OPTN: variants seen among roughly 807,000 people sequenced by gnomAD.
OPTN encodes the protein E3-14.7K-interacting protein.
In OPTN, 54 loss-of-function variants were observed where a neutral mutation model predicts 70.4. The ratio of observed to expected loss-of-function variants is 0.77; its 90% confidence interval spans 0.62 to 0.96. The LOEUF (loss-of-function observed/expected upper bound fraction) is 0.96. Among genes scored for constraint, OPTN ranks in the 40% least tolerant of loss-of-function variants. The probability of loss-of-function intolerance (pLI) is 0.00; values close to 1 mark genes in which losing one functional copy is unlikely to be tolerated. For synonymous variants in OPTN, 256 were observed against 248.5 expected (o/e 1.03, Z -0.28); for missense variants, 624 against 673.2 (o/e 0.93, Z 0.81).
intron 4 of OPTN, among the ~76,000 whole-genome samples, chr10:13,111,135 C>T (rs1832986425): frequency 6.6e-6 from 1 of 152,106 alleles, no homozygotes; most frequent in African/African-American, 2.4e-5. Flanking sequence ...CTGTCCATGC[C>T]AAGTGTGGGG....
Position 13,127,853 on chromosome 10 carries a change from A to G in OPTN, c.1351A>G (p.Ile451Val). 1.2e-6 allele frequency: 2 copies of G among 1,614,154 alleles called. No homozygotes were observed. Among genetic ancestry groups the G allele is most frequent in the Non-Finnish European group, 1.7e-6 (2 of 1,180,036 alleles). ...GCAAATGGATGAAATGAAGCAAACC[A>G]TTGCCAAGCAGGAAGAGGACCTGGA... is the stretch of plus-strand genomic sequence containing the variant. ...QLQMDEMKQT[I>V]AKQEEDLETM... Residue 451 changes from isoleucine to valine, a missense_variant, in exon 12 of 15, where the codon ATT (isoleucine) becomes GTT (valine). By Grantham distance (29) the Ile-to-Val change is conservative. Coordinates refer to ENST00000378747, the MANE Select transcript of OPTN (RefSeq NM_001008212.2).
intron 4 of OPTN, among the ~76,000 whole-genome samples, 159 bp from the exon 5 acceptor site, chr10:13,112,294 G>A (rs1309684059): frequency 1.3e-5 from 2 of 151,088 alleles, no homozygotes; most frequent in Admixed American, 6.6e-5. Flanking sequence ...TTTTTGTAAA[G>A]ATGGGGGTCT....
At position 13,137,167 on chromosome 10, in the gene OPTN, T is replaced by C; in HGVS notation, c.*301T>C. ...GGTGGCGCATGCCTGTAGTCGCAGC[T>C]ACTCGCGAGGTTGAGGCAGGAGAAT... On this transcript the variant is annotated 3_prime_UTR_variant, in exon 15 of 15. Transcript: ENST00000378747. 4.6e-6 allele frequency: 2 copies of C among 434,758 alleles called. No individual in the cohort carries two copies. Among genetic ancestry groups the C allele is most frequent in the Non-Finnish European group, 8.7e-6 (2 of 230,648 alleles). The allele number at this position is 434,758 out of a possible 1,614,324, so 26.9% of individuals were successfully genotyped here. A position where few individuals can be genotyped will look rare whatever the true frequency, so the allele number is the denominator to read the frequency against.
In OPTN at chr10:13,136,497, C is replaced by T. The variant is rs11594266; in HGVS notation, c.1613-248C>T. ...CCCTCCAGCCTGGGTGACAGCGAGA[C>T]TCCGTCTCAAAAAAAAAAAAAAAAA... On this transcript the variant is annotated intron_variant, in intron 14 of 14. Transcript: ENST00000378747. Among the ~76,000 whole-genome samples the T allele has an allele frequency of 0.16, 17,718 of 112,386 alleles. 1,389 individuals carry two copies. Among genetic ancestry groups the T allele is most frequent in the Middle Eastern group, 0.31 (43 of 138 alleles). The allele number at this position is 112,386 out of a possible 152,430, so 73.7% of individuals were successfully genotyped here.
At chr10:13,121,163 G>A (rs1301987823) in intron 7 of OPTN, among the ~76,000 whole-genome samples, 1 of 152,150 alleles carries the variant, frequency 6.6e-6, no homozygotes, top group African/African-American at 2.4e-5. Flanking sequence ...ATATGAGGAA[G>A]GAGTTAACTG....
intron 5 of OPTN, among the ~76,000 whole-genome samples, chr10:13,113,809 G>A (rs1196267721): frequency 6.6e-6 from 1 of 152,116 alleles, no homozygotes; most frequent in Non-Finnish European, 1.5e-5. Context: ...TATAATCCCA[G>A]CACTTTGGGA....
At chr10:13,104,879 C>T (rs933173133) in intron 1 of OPTN, 2 of 300,270 alleles carry the variant, frequency 6.7e-6, no homozygotes, top group South Asian at 4.4e-5. Context: ...ACCAGGGGCC[C>T]GACCGCAGGA....
At chr10:13,122,152 G>A (rs1475000339) in intron 7 of OPTN, among the ~76,000 whole-genome samples, 1 of 152,184 alleles carries the variant, frequency 6.6e-6, no homozygotes, top group African/African-American at 2.4e-5. Context: ...TGGTGTTCAA[G>A]ATGAGTTTCA....
chr10:13,111,243 A>C (rs1482610194), intron 4 of OPTN, among the ~76,000 whole-genome samples: 1 of 152,156 alleles, frequency 6.6e-6, no homozygotes, highest in Non-Finnish European at 1.5e-5. Flanking sequence ...GACACAGCTT[A>C]TGAGTCCACT....
intron 2 of OPTN, chr10:13,108,861 T>A: frequency 2.2e-6 from 1 of 464,072 alleles, no homozygotes; most frequent in South Asian, 2.1e-5. Flanking sequence ...TGTACCCTTT[T>A]ATACACCCAT....
At chr10:13,134,390 A>G (rs1167824348) in intron 14 of OPTN, among the ~76,000 whole-genome samples, 1 of 151,986 alleles carries the variant, frequency 6.6e-6, no homozygotes, top group Non-Finnish European at 1.5e-5. Context: ...GCTATTTTAT[A>G]GGTGTTTGTG....
At position 13,125,476 on chromosome 10, in the gene OPTN, G is replaced by A. The variant is rs1289024231; in HGVS notation, c.1057G>A (p.Glu353Lys). ...AIPSELNEKQ[E>K]LVYTNKKLEL... Reference sequence around the variant, plus strand: ...TCCATCAGAGTTGAATGAAAAGCAAGAGCTTGTTTATACTAACAAAAAGTT... The same window carrying A: ...TCCATCAGAGTTGAATGAAAAGCAAAAGCTTGTTTATACTAACAAAAAGTT... Residue 353 changes from glutamate to lysine, a missense_variant, in exon 10 of 15, where the codon GAG becomes AAG. Physicochemically the swap from Glu to Lys is moderately conservative, Grantham distance 56. Coordinates refer to ENST00000378747, the MANE Select transcript of OPTN (RefSeq NM_001008212.2). 1 of 1,614,006 alleles carries A rather than the reference G, an allele frequency of 6.2e-7. No homozygotes were observed. Among genetic ancestry groups the A allele is most frequent in the Non-Finnish European group, 8.5e-7 (1 of 1,180,004 alleles).
chr10:13,127,756 G>A lies in OPTN; in HGVS notation c.1254G>A (p.Val418=), dbSNP rs139523143. The A allele has an allele frequency of 5.0e-6, 8 of 1,614,000 alleles. No homozygotes were observed. The Admixed American group carries it at 5.0e-5, about 10-fold the overall frequency. The change falls in exon 12 of 15, where the codon GTG becomes GTA. Residue 418 remains valine, a synonymous_variant. Coordinates refer to ENST00000378747, the MANE Select transcript of OPTN (RefSeq NM_001008212.2). The part of the protein sequence containing the change: ...EELTRKESEK[V]DRAVLKELSE... ...TGTTTCTTTTTCAGTCAGAAAAAGT[G>A]GACAGGGCAGTGCTGAAGGAACTGA...
rs762115375 is a variant in OPTN, at chr10:13,125,581, G to A, written c.1148+14G>A. On this transcript the variant is annotated intron_variant, in intron 10 of 14. Transcript: ENST00000378747. ...AGAGGATGAAAAGTGAGTATGTTGAGTCAGAAGGGCAGCGACGGGGCAGAG... is the reference window on the plus strand; with the variant it reads ...AGAGGATGAAAAGTGAGTATGTTGAATCAGAAGGGCAGCGACGGGGCAGAG... 4 of 1,614,098 alleles carry A rather than the reference G, an allele frequency of 2.5e-6. No individual in the cohort carries two copies. In the South Asian group the frequency reaches 4.4e-5, roughly 18 times the overall value.
rs1833735483 is a variant in OPTN, at chr10:13,138,279, G to GA, written c.*1419dup. On this transcript the variant is annotated 3_prime_UTR_variant, in exon 15 of 15. Transcript: ENST00000378747. The stretch of plus-strand genomic sequence containing the variant: ...TGCATTGAGATACTAAAGCATTTAA[G>GA]AAAAAATTAAAAGATCTCTTTTGTT... The GA allele has an allele frequency of 5.6e-6, 1 of 179,490 alleles. No individual in the cohort carries two copies. The highest frequency in any genetic ancestry group is 2.4e-5 in the African/African-American group (1 of 42,336). The allele number at this position is 179,490 out of a possible 1,614,324, so 11.1% of individuals were successfully genotyped here. A position where few individuals can be genotyped will look rare whatever the true frequency, so the allele number is the denominator to read the frequency against.
chr10:13,127,934 GA>G, intron 12 of OPTN, 31 bp downstream of exon 12: 1 of 1,612,222 alleles, frequency 6.2e-7, no homozygotes, highest in Non-Finnish European at 8.5e-7. Context: ...CCAGCTGAGC[GA>G]GGCCAGCCCT....
At chr10:13,108,885 C>T (rs1360797320) in intron 2 of OPTN, 2 of 534,872 alleles carry the variant, frequency 3.7e-6, no homozygotes, top group Admixed American at 2.7e-5. Context: ...CACACACGCA[C>T]ACACACACAT....
At chr10:13,107,700 G>A (rs1832898500) in intron 1 of OPTN, among the ~76,000 whole-genome samples, 1 of 152,080 alleles carries the variant, frequency 6.6e-6, no homozygotes. Flanking sequence ...TCTTCTAACA[G>A]TAAACATCCT....
intron 13 of OPTN, among the ~76,000 whole-genome samples, chr10:13,132,830 C>T (rs917388750): frequency 4.6e-5 from 7 of 152,220 alleles, no homozygotes; most frequent in Admixed American, 2.6e-4. Context: ...AGTTTTAAAA[C>T]ACAGCAAAAT....
Sources: gnomAD v4.1 joint callset for allele counts (sites outside exome capture counted in the v4.1 genomes callset) on GRCh38, gnomAD v4.1.1 for gene constraint, MANE v1.5 for transcripts, NCBI Gene and HGNC (gene_info 2026-07-23, HGNC 2026-07-21) for gene names.